MCCC2: variants seen among roughly 807,000 people sequenced by gnomAD.
The protein encoded by MCCC2 is methylcrotonoyl-CoA carboxylase beta chain, mitochondrial.
MCCC2 carries 52 observed loss-of-function variants against 77.2 expected under a neutral mutation model. The ratio of observed to expected loss-of-function variants is 0.67; its 90% CI spans 0.54 to 0.85. The LOEUF (loss-of-function observed/expected upper bound fraction) is 0.85, where lower values mean the gene tolerates loss of function less well. Among genes scored for constraint, MCCC2 ranks in the 40% least tolerant of loss-of-function variants. MCCC2 has a pLI of 0.00. For missense variants in MCCC2, 682 were observed against 703.2 expected, an observed-to-expected ratio of 0.97 and a Z score of 0.34; for synonymous variants, 253 against 248.4, an observed-to-expected ratio of 1.02 and a Z score of -0.18.
rs1015973434 is a variant in MCCC2, at chr5:71,587,404, C to G, written c.-22C>G. 5 of 1,532,668 alleles carry G rather than the reference C, an allele frequency of 3.3e-6. No homozygotes were observed. The highest frequency in any genetic ancestry group is 2.0e-5 in the Admixed American group (1 of 50,888). 94.9% of individuals were successfully genotyped at this position (1,532,668 alleles called of 1,614,324 possible). A position where few individuals can be genotyped will look rare whatever the true frequency, so the allele number is the denominator to read the frequency against. On this transcript the variant is annotated 5_prime_UTR_variant, in exon 1 of 17. Coordinates refer to ENST00000340941, the MANE Select transcript of MCCC2 (RefSeq NM_022132.5). The stretch of plus-strand genomic sequence containing the variant: ...CGGCTCCAGGCCAGCGTGGGCCGCT[C>G]TCTCGCTCGGTGCCCGCCGCCATGT...
intron 10 of MCCC2, among the ~76,000 whole-genome samples, chr5:71,640,525 C>T (rs1485383735): frequency 6.6e-6 from 1 of 151,692 alleles, no homozygotes; most frequent in Non-Finnish European, 1.5e-5. Flanking sequence ...ACAAGTAGAT[C>T]ATATCTTCAC....
chr5:71,644,032 CA>C, intron 12 of MCCC2, 137 bp downstream of exon 12: 12 of 538,672 alleles, frequency 2.2e-5, no homozygotes, highest in Non-Finnish European at 3.3e-5. Context: ...TGTGCGCGGG[CA>C]TGTGTGTGTG....
chr5:71,609,396 C>T (rs1235816614), intron 6 of MCCC2, among the ~76,000 whole-genome samples: 4 of 151,660 alleles, frequency 2.6e-5, no homozygotes, highest in Admixed American at 6.6e-5. Context: ...ACGTAGTTCT[C>T]GAGCCTTGGT....
intron 11 of MCCC2, 71 bp from the exon 12 acceptor site, chr5:71,643,748 T>A (rs753445196): frequency 1.2e-6 from 2 of 1,613,350 alleles, no homozygotes; most frequent in East Asian, 4.5e-5. Context: ...TGTGTAAATA[T>A]GCCTCTTTCT....
intron 7 of MCCC2, among the ~76,000 whole-genome samples, chr5:71,627,322 C>T (rs969244520): frequency 6.6e-6 from 1 of 152,302 alleles, no homozygotes; most frequent in African/African-American, 2.4e-5. Flanking sequence ...AATTTCTATT[C>T]AAGTTCCTGC....
At chr5:71,643,933 T>C in intron 12 of MCCC2, 38 bp downstream of exon 12, 2 of 1,612,194 alleles carry the variant, frequency 1.2e-6, no homozygotes, top group South Asian at 1.1e-5. Flanking sequence ...TTTTCTGTTT[T>C]AATTTAACAT....
At chr5:71,654,837 ATT>A (rs201819772) in intron 16 of MCCC2, among the ~76,000 whole-genome samples, 33 of 140,452 alleles carry the variant, frequency 2.3e-4, no homozygotes, top group Admixed American at 2.9e-4. Context: ...GGATCTGTAG[ATT>A]TTTTTTTTTT....
At chr5:71,626,797 A>T (rs780571187) in intron 7 of MCCC2, 44 bp downstream of exon 7, 2 of 1,472,114 alleles carry the variant, frequency 1.4e-6, no homozygotes, top group East Asian at 4.5e-5. Context: ...AAGTATGCAG[A>T]ACATAAAATA....
intron 7 of MCCC2, among the ~76,000 whole-genome samples, chr5:71,631,463 C>T (rs1309900051): frequency 6.6e-6 from 1 of 151,464 alleles, no homozygotes; most frequent in Non-Finnish European, 1.5e-5. Flanking sequence ...AACACACACA[C>T]AGACACAAAG....
intron 8 of MCCC2, among the ~76,000 whole-genome samples, chr5:71,633,131 A>ATATATATATATATATTTTTTTTTTTT (rs1554137344): frequency 1.3e-5 from 1 of 78,096 alleles, no homozygotes; most frequent in Non-Finnish European, 2.4e-5. Flanking sequence ...ATATATATAT[A>ATATATATATATATATTTTTTTTTTTT]TTTTTATTTT....
intron 1 of MCCC2, 55 bp downstream of exon 1, chr5:71,587,609 G>C (rs1418440692): frequency 5.9e-6 from 9 of 1,524,758 alleles, no homozygotes; most frequent in Non-Finnish European, 5.3e-6. Flanking sequence ...GAAGCAAGTG[G>C]AGGAGGGGCA....
intron 6 of MCCC2, among the ~76,000 whole-genome samples, chr5:71,622,752 G>A (rs1257337322): frequency 6.6e-6 from 1 of 152,200 alleles, no homozygotes; most frequent in Non-Finnish European, 1.5e-5. Context: ...CAGTCTTCCT[G>A]CCTTAGCCTC....
intron 15 of MCCC2, 144 bp downstream of exon 15, chr5:71,650,327 G>A (rs1747402593): frequency 8.9e-6 from 6 of 672,802 alleles, no homozygotes; most frequent in South Asian, 8.4e-5. Flanking sequence ...AGACTGTGCT[G>A]CCCTGGAAGT....
chr5:71,612,471 C>T (rs1021078020), intron 6 of MCCC2, among the ~76,000 whole-genome samples: 29 of 152,122 alleles, frequency 1.9e-4, no homozygotes, highest in Non-Finnish European at 3.8e-4. Flanking sequence ...CACAGATGGC[C>T]GTTGCATTAT....
intron 1 of MCCC2, among the ~76,000 whole-genome samples, chr5:71,589,297 TAATC>T (rs1419735567): frequency 6.6e-6 from 1 of 152,246 alleles, no homozygotes; most frequent in Non-Finnish European, 1.5e-5. Flanking sequence ...GTGTAACAAA[TAATC>T]AAAAAATCTC....
intron 6 of MCCC2, among the ~76,000 whole-genome samples, chr5:71,610,801 G>A (rs898585989): frequency 1.3e-5 from 2 of 151,246 alleles, no homozygotes; most frequent in Non-Finnish European, 3.0e-5. Flanking sequence ...CCTGGCTAAC[G>A]CGGTGAAACC....
chr5:71,620,776 A>G (rs1013813848), intron 6 of MCCC2, among the ~76,000 whole-genome samples: 1 of 152,124 alleles, frequency 6.6e-6, no homozygotes, highest in Non-Finnish European at 1.5e-5. Flanking sequence ...GGGGATGACA[A>G]GTATTGTTAC....
intron 7 of MCCC2, among the ~76,000 whole-genome samples, chr5:71,628,576 C>G (rs1386048691): frequency 6.6e-6 from 1 of 152,186 alleles, no homozygotes; most frequent in Non-Finnish European, 1.5e-5. Flanking sequence ...TAAGGAAGGG[C>G]TCCAGCATTG....
chr5:71,602,734 C>T, intron 5 of MCCC2, 101 bp downstream of exon 5: 4 of 1,520,346 alleles, frequency 2.6e-6, no homozygotes, highest in Non-Finnish European at 3.6e-6. Flanking sequence ...ATTTTATAAA[C>T]CTGTTGATTT....
Sources: allele counts gnomAD v4.1 joint callset (sites outside exome capture counted in the v4.1 genomes callset), GRCh38; gene constraint gnomAD v4.1.1; transcripts MANE v1.5; gene names NCBI Gene and HGNC (gene_info 2026-07-23, HGNC 2026-07-21).